The following MAP2 variants were observed in gnomAD, a reference collection of about 807,000 sequenced individuals.
The protein encoded by MAP2 is microtubule-associated protein 2.
Under a neutral mutation model 137.6 loss-of-function variants are expected in MAP2, and 14 were observed. That is an observed-to-expected ratio of 0.10 (90% CI 0.07 to 0.16). MAP2 has a LOEUF of 0.16. Among genes scored for constraint, MAP2 ranks in the 10% least tolerant of loss-of-function variants. The pLI, the probability that MAP2 is intolerant of heterozygous loss-of-function variation, is 1.00. For synonymous variants in MAP2, 786 were observed against 782.3 expected, an observed-to-expected ratio of 1.00 and a Z score of -0.08; for missense variants, 2,088 against 2,191.5, an observed-to-expected ratio of 0.95 and a Z score of 0.94.
At chr2:209,570,053 A>G (rs1193390170) in intron 2 of MAP2, among the ~76,000 whole-genome samples, 1 of 151,862 alleles carries the variant, frequency 6.6e-6, no homozygotes, top group Non-Finnish European at 1.5e-5. Context: ...GCTTGTTTAT[A>G]CATATATATT....
At chr2:209,526,298 G>T (rs1258044553) in intron 2 of MAP2, among the ~76,000 whole-genome samples, 3 of 152,018 alleles carry the variant, frequency 2.0e-5, no homozygotes, top group African/African-American at 7.2e-5. Context: ...AGAAAATTAA[G>T]AGTTTAAATA....
chr2:209,661,430 C>T (rs2043577512), intron 5 of MAP2: 1 of 799,952 alleles, frequency 1.3e-6, no homozygotes, highest in Admixed American at 6.2e-5. Context: ...ATGCCAACCA[C>T]TCATTGCTCT....
chr2:209,714,158 G>A (rs1396824913), intron 13 of MAP2, among the ~76,000 whole-genome samples: 1 of 152,068 alleles, frequency 6.6e-6, no homozygotes, highest in Non-Finnish European at 1.5e-5. Flanking sequence ...CCAAGACCAC[G>A]CCATTGCACT....
At chr2:209,728,153 TAGCA>T (rs1341501535) in intron 14 of MAP2, among the ~76,000 whole-genome samples, 1 of 152,074 alleles carries the variant, frequency 6.6e-6, no homozygotes, top group African/African-American at 2.4e-5. Context: ...AAGGACATTT[TAGCA>T]AAAATTTAAC....
At chr2:209,698,630 G>T (rs909191794) in intron 10 of MAP2, among the ~76,000 whole-genome samples, 1 of 152,100 alleles carries the variant, frequency 6.6e-6, no homozygotes, top group Non-Finnish European at 1.5e-5. Context: ...AGAATCTAAG[G>T]CAGGATTTGA....
intron 1 of MAP2, among the ~76,000 whole-genome samples, chr2:209,476,412 T>TG (rs2149775765): frequency 1.3e-5 from 2 of 150,622 alleles, no homozygotes; most frequent in South Asian, 4.2e-4. Context: ...TTTTTTTTTT[T>TG]CATCATTCTG....
At chr2:209,488,659 A>C (rs1443124217) in intron 1 of MAP2, among the ~76,000 whole-genome samples, 1 of 152,120 alleles carries the variant, frequency 6.6e-6, no homozygotes, top group Non-Finnish European at 1.5e-5. Flanking sequence ...CACAGTGTAA[A>C]CAAAGCTGCC....
chr2:209,703,982 A>G (rs754286936), intron 11 of MAP2: 1 of 455,434 alleles, frequency 2.2e-6, no homozygotes, highest in Non-Finnish European at 4.4e-6. Context: ...TTTATTTTTA[A>G]TCAGGGTGTC....
At position 209,653,223 on chromosome 2, in the gene MAP2, C is replaced by T. The variant is rs145598155; in HGVS notation, c.53C>T (p.Pro18Leu). 5.9e-5 allele frequency: 96 copies of T among 1,613,784 alleles called. No individual in the cohort carries two copies. The highest frequency in any genetic ancestry group is 1.7e-4 in the Middle Eastern group (1 of 6,058). ...EAKAPHWTSA[P>L]LTEASAHSHP... Reference sequence around the variant, plus strand: ...AAGGCACCTCACTGGACCTCAGCACCGCTAACAGAGGCATCTGCACACTCA... The same window carrying T: ...AAGGCACCTCACTGGACCTCAGCACTGCTAACAGAGGCATCTGCACACTCA... Residue 18 changes from proline (P) to leucine (L), a missense_variant, in exon 5 of 16, where the codon CCG (proline) becomes CTG (leucine). Around this residue, in one of 6 missense-constraint regions of MAP2, gnomAD observed 859 missense variants for 794.5 expected, o/e 1.08. Coordinates refer to ENST00000682079, the MANE Select transcript of MAP2 (RefSeq NM_001375505.1).
Position 209,613,623 on chromosome 2 carries a change from G to GT in MAP2, c.-106-11429dup, listed in dbSNP as rs527705974. Among the ~76,000 whole-genome samples the GT allele has an allele frequency of 5.9e-4, 90 of 152,316 alleles. No homozygotes were observed. In the Middle Eastern group the frequency reaches 0.01, roughly 17 times the overall value. ...AGCGGAGAAGAGCTCTACACTTGGTGTCTTGGAATTAGACCACTGAAAGAC... is the reference window on the plus strand; with the variant it reads ...AGCGGAGAAGAGCTCTACACTTGGTGTTCTTGGAATTAGACCACTGAAAGAC... On this transcript the variant is annotated intron_variant, in intron 3 of 15. Coordinates refer to ENST00000682079, the MANE Select transcript of MAP2 (RefSeq NM_001375505.1).
intron 2 of MAP2, among the ~76,000 whole-genome samples, chr2:209,510,916 A>G (rs1264441483): frequency 6.6e-6 from 1 of 152,048 alleles, no homozygotes; most frequent in Non-Finnish European, 1.5e-5. Context: ...TTCTTGAGAA[A>G]GAGGTTGAGG....
At chr2:209,550,469 T>C (rs2068950637) in intron 2 of MAP2, among the ~76,000 whole-genome samples, 1 of 152,172 alleles carries the variant, frequency 6.6e-6, no homozygotes, top group African/African-American at 2.4e-5. Flanking sequence ...TAGGACTTTA[T>C]TGCATATTCT....
intron 6 of MAP2, 60 bp from the exon 7 acceptor site, chr2:209,680,690 C>T: frequency 7.1e-7 from 1 of 1,401,678 alleles, no homozygotes; most frequent in African/African-American, 1.4e-5. Flanking sequence ...ACTTCCTACA[C>T]ATCTACCAGC....
intron 4 of MAP2, among the ~76,000 whole-genome samples, chr2:209,632,147 T>C (rs762357389): frequency 7.2e-5 from 11 of 152,156 alleles, no homozygotes; most frequent in Non-Finnish European, 1.3e-4. Flanking sequence ...ATCACTAATA[T>C]GTATTTACAC....
intron 4 of MAP2, among the ~76,000 whole-genome samples, chr2:209,645,801 A>C (rs1404911524): frequency 1.3e-5 from 2 of 152,240 alleles, no homozygotes; most frequent in South Asian, 2.1e-4. Flanking sequence ...AGGACTTAGA[A>C]TAAAGTAAAT....
intron 3 of MAP2, among the ~76,000 whole-genome samples, chr2:209,607,882 AT>A (rs981780301): frequency 2.3e-4 from 35 of 152,184 alleles, no homozygotes; most frequent in African/African-American, 8.2e-4. Flanking sequence ...CCACTTTCTT[AT>A]TCCTTTTGCT....
chr2:209,655,430 T>A (rs2153615619), intron 5 of MAP2, among the ~76,000 whole-genome samples: 1 of 152,318 alleles, frequency 6.6e-6, no homozygotes, highest in East Asian at 1.9e-4. Flanking sequence ...TGTGTAGAAA[T>A]CTTTAGAAAA....
intron 3 of MAP2, among the ~76,000 whole-genome samples, chr2:209,599,066 A>C (rs1328047385): frequency 6.6e-6 from 1 of 152,172 alleles, no homozygotes. Flanking sequence ...TCCCACCAAC[A>C]GTGTCAAAGT....
At chr2:209,501,808 C>T (rs1360001137) in intron 1 of MAP2, among the ~76,000 whole-genome samples, 1 of 151,838 alleles carries the variant, frequency 6.6e-6, no homozygotes. Flanking sequence ...AAAAAAAGTT[C>T]CAGGGAGTTA....
Sources: gnomAD v4.1 joint callset for allele counts (sites outside exome capture counted in the v4.1 genomes callset) on GRCh38, gnomAD v4.1.1 for gene constraint, gnomAD v4.1.1 regional missense constraint, MANE v1.5 for transcripts, NCBI Gene and HGNC (gene_info 2026-07-23, HGNC 2026-07-21) for gene names.